Variants in ADGRG7 observed in about 807,000 individuals in gnomAD.
The protein encoded by ADGRG7 is adhesion G protein-coupled receptor G7, also known as G-protein coupled receptor 128.
In ADGRG7, 82 loss-of-function variants were observed where a neutral mutation model predicts 88.6. That is an observed-to-expected ratio of 0.93 (90% CI 0.77 to 1.11). ADGRG7 has a LOEUF of 1.11. Among genes scored for constraint, ADGRG7 ranks in the 50% most tolerant of loss-of-function variants. The probability of loss-of-function intolerance (pLI) is 0.00; values close to 1 mark genes in which losing one functional copy is unlikely to be tolerated. For synonymous variants in ADGRG7, 381 were observed against 345.2 expected (o/e 1.10, Z -1.15); for missense variants, 945 against 953.4 (o/e 0.99, Z 0.12).
intron 4 of ADGRG7, among the ~76,000 whole-genome samples, chr3:100,634,442 C>T (rs764753110): frequency 6.6e-6 from 1 of 152,098 alleles, no homozygotes; most frequent in Non-Finnish European, 1.5e-5. Context: ...TTTTATAACA[C>T]CATAAATAGG....
chr3:100,684,660 GT>G lies in ADGRG7; in HGVS notation c.2137-10076del, dbSNP rs199639530. On this transcript the variant is annotated intron_variant, in intron 15 of 15. Coordinates refer to ENST00000273352, the MANE Select transcript of ADGRG7 (RefSeq NM_032787.3). ...ATGTTTGTTTTATTGTGTTATCTTA[GT>G]TTTTTTTCCCTATACGTCTATCACT... Among the ~76,000 whole-genome samples the G allele has an allele frequency of 5.3e-3, 799 of 151,652 alleles. 6 individuals carry two copies. The highest frequency in any genetic ancestry group is 6.9e-3 in the African/African-American group (284 of 41,316).
At chr3:100,620,968 A>G (rs959097824) in intron 1 of ADGRG7, among the ~76,000 whole-genome samples, 4 of 152,104 alleles carry the variant, frequency 2.6e-5, no homozygotes, top group Admixed American at 2.0e-4. Context: ...CAATATGTCA[A>G]ACTTTTTCAT....
chr3:100,626,546 G>A (rs1406384503), intron 1 of ADGRG7, among the ~76,000 whole-genome samples: 2 of 152,150 alleles, frequency 1.3e-5, no homozygotes, highest in Non-Finnish European at 2.9e-5. Flanking sequence ...CAGCACTTTG[G>A]GAGGCCAAGG....
In ADGRG7 at chr3:100,609,920, G is replaced by T. The variant is rs140472196; in HGVS notation, c.64G>T (p.Gly22Cys). 2.7e-4 allele frequency: 436 copies of T among 1,613,848 alleles called. 1 individual carries two copies. The highest frequency in any genetic ancestry group is 2.6e-4 in the Non-Finnish European group (301 of 1,179,892). The stretch of plus-strand genomic sequence containing the variant: ...GGCTGTCGTGTGTGGACTACTGACT[G>T]GCATCATTTTGGGACTGGGCATCTG... Reference protein sequence around the residue: ...LVAVVCGLLTGIILGLGIWRI... With the variant: ...LVAVVCGLLTCIILGLGIWRI... The change falls in exon 1 of 16, where the codon GGC becomes TGC. Residue 22 changes from glycine to cysteine, a missense_variant. By Grantham distance (159) the Gly-to-Cys change is radical. Transcript: ENST00000273352.
At chr3:100,611,297 TTC>T in intron 1 of ADGRG7, among the ~76,000 whole-genome samples, 6 of 128,408 alleles carry the variant, frequency 4.7e-5, no homozygotes, top group African/African-American at 1.8e-4. Flanking sequence ...CCTTCCTTCC[TTC>T]CTTTCTTCTT....
rs546308976 is a variant in ADGRG7, at chr3:100,649,648, C to T, written c.1267-47C>T. ...TCTGTGATGTTGACTTTCATTAACA[C>T]TTCAGGGATGACTAATTAAAAATAT... On this transcript the variant is annotated intron_variant, in intron 10 of 15. Coordinates refer to ENST00000273352, the MANE Select transcript of ADGRG7 (RefSeq NM_032787.3). The T allele has an allele frequency of 1.1e-5, 11 of 1,036,906 alleles. No individual in the cohort carries two copies. In the East Asian group the frequency reaches 2.4e-4, roughly 23 times the overall value. The allele number at this position is 1,036,906 out of a possible 1,614,324, so 64.2% of individuals were successfully genotyped here.
chr3:100,685,558 T>A (rs543410454), intron 15 of ADGRG7, among the ~76,000 whole-genome samples: 1 of 152,298 alleles, frequency 6.6e-6, no homozygotes, highest in South Asian at 2.1e-4. Context: ...TGGTGTGTGA[T>A]GTTCCCCTTT....
intron 11 of ADGRG7, chr3:100,654,543 T>C: frequency 3.9e-6 from 1 of 259,134 alleles, no homozygotes; most frequent in Non-Finnish European, 7.4e-6. Flanking sequence ...GGAAGTAGGG[T>C]TCACTGGGGG....
At chr3:100,664,524 C>A (rs1475459596) in intron 14 of ADGRG7, among the ~76,000 whole-genome samples, 3 of 152,010 alleles carry the variant, frequency 2.0e-5, no homozygotes, top group Non-Finnish European at 2.9e-5. Context: ...TACAGAAAAC[C>A]AAACAAGATG....
At chr3:100,646,425 T>C in intron 9 of ADGRG7, 144 bp from the exon 10 acceptor site, 1 of 686,214 alleles carries the variant, frequency 1.5e-6, no homozygotes, top group Non-Finnish European at 2.4e-6. Flanking sequence ...TCTCCTTTTT[T>C]CCCTCTCCTT....
intron 15 of ADGRG7, among the ~76,000 whole-genome samples, chr3:100,685,316 T>C (rs1336807854): frequency 6.6e-6 from 1 of 152,220 alleles, no homozygotes; most frequent in Admixed American, 6.5e-5. Context: ...TTTTATGTTG[T>C]GAAAATAAAG....
intron 13 of ADGRG7, among the ~76,000 whole-genome samples, chr3:100,657,332 C>A (rs1001432116): frequency 6.6e-6 from 1 of 152,176 alleles, no homozygotes; most frequent in Non-Finnish European, 1.5e-5. Context: ...CTGAGTTATT[C>A]TCCTAGCAGT....
chr3:100,628,152 A>C (rs937688508), intron 1 of ADGRG7, among the ~76,000 whole-genome samples: 2 of 152,248 alleles, frequency 1.3e-5, no homozygotes, highest in South Asian at 4.2e-4. Flanking sequence ...AGTTTCAGCC[A>C]CTTCTGCCAT....
intron 14 of ADGRG7, among the ~76,000 whole-genome samples, chr3:100,660,231 T>C (rs998994166): frequency 3.3e-5 from 5 of 152,242 alleles, no homozygotes; most frequent in Non-Finnish European, 7.3e-5. Flanking sequence ...ATTAATACAG[T>C]CCAGTACCTG....
At chr3:100,637,272 C>CA (rs1707560630) in intron 5 of ADGRG7, 30 bp from the exon 6 acceptor site, 1 of 1,387,818 alleles carries the variant, frequency 7.2e-7, no homozygotes, top group Admixed American at 1.7e-5. Flanking sequence ...ATATATGCTT[C>CA]TCTGATGATC....
chr3:100,673,504 C>T (rs1197472542), intron 15 of ADGRG7, among the ~76,000 whole-genome samples: 1 of 149,840 alleles, frequency 6.7e-6, no homozygotes, highest in Admixed American at 6.7e-5. Context: ...GTCTGTCATG[C>T]AGGCTGGAGT....
In ADGRG7 at chr3:100,694,814, T is replaced by A. The variant is rs748385132; in HGVS notation, c.2207T>A (p.Met736Lys). The change falls in exon 16 of 16, where the codon ATG becomes AAG. Residue 736 changes from methionine to lysine, a missense_variant. By Grantham distance (95) the Met-to-Lys change is moderately conservative. Coordinates refer to ENST00000273352, the MANE Select transcript of ADGRG7 (RefSeq NM_032787.3). Reference protein sequence around the residue: ...VFQSEASKVLMLLSSIGRRKS... With the variant: ...VFQSEASKVLKLLSSIGRRKS... ...CAGAGTGAAGCTTCCAAAGTGTTGATGTTGCTATCGTCTATTGGGAGAAGG... is the reference window on the plus strand; with the variant it reads ...CAGAGTGAAGCTTCCAAAGTGTTGAAGTTGCTATCGTCTATTGGGAGAAGG... 9.9e-6 allele frequency: 16 copies of A among 1,614,184 alleles called. No homozygotes were observed. The highest frequency in any genetic ancestry group is 1.3e-5 in the Non-Finnish European group (15 of 1,179,998).
At chr3:100,611,486 A>G (rs1325696219) in intron 1 of ADGRG7, among the ~76,000 whole-genome samples, 1 of 152,156 alleles carries the variant, frequency 6.6e-6, no homozygotes, top group Non-Finnish European at 1.5e-5. Flanking sequence ...AGGATGGGGG[A>G]CAGAAAACCT....
intron 15 of ADGRG7, among the ~76,000 whole-genome samples, chr3:100,689,163 G>A (rs2094988665): frequency 6.6e-6 from 1 of 152,072 alleles, no homozygotes; most frequent in African/African-American, 2.4e-5. Context: ...ATCTTTGTTG[G>A]TTTAAAGTCT....
Sources: gnomAD v4.1 joint callset for allele counts (sites outside exome capture counted in the v4.1 genomes callset) on GRCh38, gnomAD v4.1.1 for gene constraint, MANE v1.5 for transcripts, NCBI Gene and HGNC (gene_info 2026-07-23, HGNC 2026-07-21) for gene names.